Variants in JAG1 observed in about 807,000 individuals in gnomAD.
JAG1 encodes protein jagged-1.
A neutral mutation model predicts 148.7 loss-of-function variants in JAG1; 23 were observed. The ratio of observed to expected loss-of-function variants is 0.15; its 90% CI spans 0.11 to 0.22. JAG1 has a LOEUF of 0.22. JAG1 is among the 10% of genes least tolerant of loss of function. The probability of loss-of-function intolerance (pLI) is 1.00; values close to 1 mark genes in which losing one functional copy is unlikely to be tolerated. For missense variants in JAG1, 1,054 were observed against 1,611.2 expected (o/e 0.65, Z 5.92); for synonymous variants, 572 against 598.3 (o/e 0.96, Z 0.64).
chr20:10,647,018 G>T lies in JAG1; in HGVS notation c.1806C>A (p.His602Gln). 6.2e-7 allele frequency: 1 copy of T among 1,614,162 alleles called. No individual in the cohort carries two copies. The highest frequency in any genetic ancestry group is 8.5e-7 in the Non-Finnish European group (1 of 1,180,014). Residue 602 changes from histidine to glutamine, a missense_variant, in exon 14 of 26, where the codon CAC (histidine) becomes CAA (glutamine). Transcript: ENST00000254958. ...RYISSNVCGP[H>Q]GKCKSQSGGK... ...CTCCCGACTGACTCTTGCACTTCCC[G>T]TGAGGACCACAGACGTTGGAGGAAA...
chr20:10,646,488 C>G (rs1317648551), intron 14 of JAG1: 2 of 359,598 alleles, frequency 5.6e-6, no homozygotes, highest in South Asian at 4.5e-5. Context: ...GTCTCCCCAG[C>G]CTTACTGTTT....
In JAG1 at chr20:10,641,909, G is replaced by C; in HGVS notation, c.2573-17C>G. On this transcript the variant is annotated splice_polypyrimidine_tract_variant and intron_variant, in intron 21 of 25. Transcript: ENST00000254958. ...TCCCTGAAACTGACAGGTGGAGACG[G>C]GTGAGCAGTTTATTTTTCTGTGAAC... The C allele has an allele frequency of 1.3e-6, 2 of 1,522,956 alleles. No homozygotes were observed. Among genetic ancestry groups the C allele is most frequent in the Non-Finnish European group, 1.8e-6 (2 of 1,096,744 alleles). The allele number at this position is 1,522,956 out of a possible 1,614,324, so 94.3% of individuals were successfully genotyped here. A position where few individuals can be genotyped will look rare whatever the true frequency, so the allele number is the denominator to read the frequency against.
At chr20:10,649,130 T>C in intron 10 of JAG1, 23 bp from the exon 11 acceptor site, 1 of 1,540,406 alleles carries the variant, frequency 6.5e-7, no homozygotes, top group Non-Finnish European at 9.0e-7. Context: ...TAAGTCATCA[T>C]TTTAAAGAGG....
rs35357944 is a variant in JAG1, at chr20:10,647,124, C to T, written c.1721-21G>A. On this transcript the variant is annotated intron_variant, in intron 13 of 25. Coordinates refer to ENST00000254958, the MANE Select transcript of JAG1 (RefSeq NM_000214.3). Reference sequence around the variant, plus strand: ...AATCACTAGAAGATAGGCTTGGGATCAGATCACAGCCATGCACCCACAGAT... The same window carrying T: ...AATCACTAGAAGATAGGCTTGGGATTAGATCACAGCCATGCACCCACAGAT... 7,747 of 1,614,076 alleles carry T rather than the reference C, an allele frequency of 4.8e-3. 48 individuals are homozygous for T. The highest frequency in any genetic ancestry group is 0.013 in the Middle Eastern group (81 of 6,056).
At chr20:10,670,577 G>C (rs1249299992) in intron 2 of JAG1, among the ~76,000 whole-genome samples, 2 of 152,144 alleles carry the variant, frequency 1.3e-5, no homozygotes, top group Non-Finnish European at 2.9e-5. Flanking sequence ...GAAAGTTACG[G>C]ACTGTGCCGT....
intron 3 of JAG1, among the ~76,000 whole-genome samples, chr20:10,661,740 G>C (rs944198134): frequency 2.6e-5 from 4 of 152,180 alleles, no homozygotes; most frequent in Admixed American, 1.3e-4. Context: ...AAGCACTAGA[G>C]GTGAGTCAGA....
At chr20:10,661,095 A>C (rs1319945574) in intron 3 of JAG1, among the ~76,000 whole-genome samples, 1 of 152,188 alleles carries the variant, frequency 6.6e-6, no homozygotes, top group East Asian at 1.9e-4. Context: ...GGAGAAAGAA[A>C]TTTGGAACTC....
rs886056515 is a variant in JAG1 at position 10,673,635 on chromosome 20, G to A, written c.-105C>T. ...GCTGCCCCTGCGGCCGCCGCGTCCC[G>A]GCTCTAATATACTCCGCCGATTGGA... is the stretch of plus-strand genomic sequence containing the variant. On this transcript the variant is annotated 5_prime_UTR_variant, in exon 1 of 26. Coordinates refer to ENST00000254958, the MANE Select transcript of JAG1 (RefSeq NM_000214.3). This position sits in a 1 kb window ranked among gnomAD's most constrained non-coding sequence, Gnocchi z 4.7. 11 of 445,942 alleles carry A rather than the reference G, an allele frequency of 2.5e-5. No homozygotes were observed. Among genetic ancestry groups the A allele is most frequent in the Non-Finnish European group, 3.8e-5 (11 of 292,302 alleles). 27.6% of individuals were successfully genotyped at this position (445,942 alleles called of 1,614,324 possible).
Position 10,650,284 on chromosome 20 carries a change from C to A in JAG1, c.1197G>T (p.Val399=). Residue 399 remains valine (V), a synonymous_variant, in exon 9 of 26, where the codon GTG becomes GTT. Transcript: ENST00000254958. ...TTTTCCCAGTCCACTGTGGGGGGCA[C>A]ACACACTTAAATCCGTTAACCAGGT... is the stretch of plus-strand genomic sequence containing the variant. ...CQDLVNGFKC[V]CPPQWTGKTC... The A allele has an allele frequency of 6.2e-7, 1 of 1,614,032 alleles. No individual in the cohort carries two copies. Among genetic ancestry groups the A allele is most frequent in the Non-Finnish European group, 8.5e-7 (1 of 1,179,914 alleles).
chr20:10,657,973 G>A (rs2067389328), intron 4 of JAG1, among the ~76,000 whole-genome samples: 1 of 152,230 alleles, frequency 6.6e-6, no homozygotes, highest in Non-Finnish European at 1.5e-5. Context: ...AGCAGAGTCT[G>A]AGAAGGGGAT....
chr20:10,653,559 C>T (rs78329634), intron 5 of JAG1, among the ~76,000 whole-genome samples: 1 of 148,148 alleles, frequency 6.8e-6, no homozygotes, highest in Non-Finnish European at 1.5e-5. Flanking sequence ...CATCAACTAG[C>T]CTCCCGGTGG....
chr20:10,643,593 C>T (rs2067287835), intron 20 of JAG1, among the ~76,000 whole-genome samples, 185 bp downstream of exon 20: 1 of 152,154 alleles, frequency 6.6e-6, no homozygotes, highest in Non-Finnish European at 1.5e-5. Context: ...CAGGGAACTA[C>T]CAGCAGGTAC....
chr20:10,665,816 T>A (rs2067450082), intron 2 of JAG1, among the ~76,000 whole-genome samples: 1 of 152,208 alleles, frequency 6.6e-6, no homozygotes, highest in Non-Finnish European at 1.5e-5. Flanking sequence ...GTGCCGGGAC[T>A]GAGCTGGCAT....
intron 2 of JAG1, among the ~76,000 whole-genome samples, chr20:10,664,455 G>A (rs2067439342): frequency 6.6e-6 from 1 of 151,746 alleles, no homozygotes; most frequent in Non-Finnish European, 1.5e-5. Flanking sequence ...TTTGTACCGA[G>A]GGGGTATTGC....
chr20:10,673,463 G>A lies in JAG1; in HGVS notation c.68C>T (p.Ala23Val). 1 of 1,435,784 alleles carries A rather than the reference G, an allele frequency of 7.0e-7. No individual in the cohort carries two copies. Among genetic ancestry groups the A allele is most frequent in the Non-Finnish European group, 9.1e-7 (1 of 1,094,250 alleles). The allele number at this position is 1,435,784 out of a possible 1,614,324, so 88.9% of individuals were successfully genotyped here. A position where few individuals can be genotyped will look rare whatever the true frequency, so the allele number is the denominator to read the frequency against. ...PLSLLLALLC[A>V]LRAKVCGASG... ...AAGGGCTCCTACCTTGGCTCGCAGGGCACAGAGCAGGGCGAGCAGGAGGCT... is the reference window on the plus strand; with the variant it reads ...AAGGGCTCCTACCTTGGCTCGCAGGACACAGAGCAGGGCGAGCAGGAGGCT... Residue 23 changes from alanine (A) to valine (V), a missense_variant, in exon 1 of 26, where the codon GCC becomes GTC. Physicochemically the swap from Ala to Val is moderately conservative, Grantham distance 64 (BLOSUM62 0). Transcript: ENST00000254958. The surrounding 1 kb of genome is among the most constrained non-coding windows in gnomAD (Gnocchi z 4.7).
In JAG1 at chr20:10,673,736, C is replaced by T. The variant is rs1445746947; in HGVS notation, c.-206G>A. On this transcript the variant is annotated 5_prime_UTR_variant, in exon 1 of 26. Transcript: ENST00000254958. The surrounding 1 kb of genome is among the most constrained non-coding windows in gnomAD (Gnocchi z 4.7). The stretch of plus-strand genomic sequence containing the variant: ...GGCCCGTTCCAGAAGGCAAAGAGCC[C>T]GGCCTCCTTTTATTATTCTGATCGC... The T allele has an allele frequency of 1.6e-5, 4 of 252,950 alleles. 1 individual carries two copies. In the East Asian group the frequency reaches 3.3e-4, roughly 21 times the overall value. 15.7% of individuals were successfully genotyped at this position (252,950 alleles called of 1,614,324 possible). A position where few individuals can be genotyped will look rare whatever the true frequency, so the allele number is the denominator to read the frequency against.
At chr20:10,664,658 G>C (rs1452549436) in intron 2 of JAG1, among the ~76,000 whole-genome samples, 2 of 152,164 alleles carry the variant, frequency 1.3e-5, no homozygotes, top group African/African-American at 4.8e-5. Flanking sequence ...TTGGGCGGTG[G>C]AGTTGGGGGC....
chr20:10,666,378 A>G (rs2067454223), intron 2 of JAG1, among the ~76,000 whole-genome samples: 1 of 152,094 alleles, frequency 6.6e-6, no homozygotes, highest in Admixed American at 6.5e-5. Flanking sequence ...CCCCACATCA[A>G]AGCAGGGACC....
intron 20 of JAG1, 116 bp downstream of exon 20, chr20:10,643,662 C>T (rs2067288327): frequency 1.2e-6 from 1 of 814,324 alleles, no homozygotes; most frequent in Non-Finnish European, 2.1e-6. Context: ...ATCCTTTGCT[C>T]TATGAGAGCT....
Sources: allele counts gnomAD v4.1 joint callset (sites outside exome capture counted in the v4.1 genomes callset), GRCh38; gene constraint gnomAD v4.1.1; non-coding constraint Gnocchi (gnomAD v3.1); transcripts MANE v1.5; gene names NCBI Gene and HGNC (gene_info 2026-07-23, HGNC 2026-07-21).